The following HHLA1 variants were observed in gnomAD, a reference collection of about 807,000 sequenced individuals.
The protein encoded by HHLA1 is HERV-H LTR-associating protein 1.
In HHLA1, 72 loss-of-function variants were observed where a neutral mutation model predicts 69.9. The ratio of observed to expected loss-of-function variants is 1.03; its 90% CI spans 0.85 to 1.25. HHLA1 has a LOEUF of 1.25. Ranked by LOEUF, HHLA1 falls within the 50% of genes most tolerant of loss-of-function variation. The probability of loss-of-function intolerance (pLI) is 0.00; values close to 1 mark genes in which losing one functional copy is unlikely to be tolerated. For missense variants in HHLA1, 685 were observed against 642.2 expected (o/e 1.07, Z -0.72); for synonymous variants, 252 against 233.2 (o/e 1.08, Z -0.73).
chr8:132,098,816 G>A (rs200614370), intron 5 of HHLA1, 66 bp downstream of exon 5: 1 of 993,390 alleles, frequency 1.0e-6, no homozygotes, highest in East Asian at 2.6e-5. Flanking sequence ...CAACAGAAAG[G>A]TTCAGAAAAG....
At chr8:132,086,839 C>T (rs2130889277) in intron 10 of HHLA1, among the ~76,000 whole-genome samples, 1 of 151,954 alleles carries the variant, frequency 6.6e-6, no homozygotes, top group South Asian at 2.1e-4. Flanking sequence ...GCAAAGTAGC[C>T]CCTGAAGTGG....
rs576633284 is a variant in HHLA1 at position 132,094,520 on chromosome 8, C to A, written c.448+999G>T. On this transcript the variant is annotated intron_variant, in intron 7 of 16. Coordinates refer to ENST00000414222, the MANE Select transcript of HHLA1 (RefSeq NM_001145095.3). ...TCTGGTCCTCATGCTGCTGCTTAGG[C>A]CTTTGTCTGGACCACTGTCCCCAGG... Among the ~76,000 whole-genome samples the A allele has an allele frequency of 4.9e-4, 75 of 152,300 alleles. 1 individual carries two copies. The highest frequency in any genetic ancestry group is 1.7e-3 in the African/African-American group (71 of 41,562).
chr8:132,074,863 A>G (rs1823608368), intron 14 of HHLA1, among the ~76,000 whole-genome samples: 1 of 152,224 alleles, frequency 6.6e-6, no homozygotes, highest in Non-Finnish European at 1.5e-5. Flanking sequence ...GGGTAGGTTA[A>G]TAAATAGATA....
chr8:132,080,136 G>A, intron 10 of HHLA1, 170 bp from the exon 11 acceptor site: 8 of 927,300 alleles, frequency 8.6e-6, no homozygotes, highest in South Asian at 1.4e-5. Context: ...CCCTGTCAGA[G>A]CCTTTCTTCC....
At chr8:132,074,623 A>G (rs1823603603) in intron 14 of HHLA1, among the ~76,000 whole-genome samples, 1 of 152,172 alleles carries the variant, frequency 6.6e-6, no homozygotes, top group African/African-American at 2.4e-5. Context: ...GGATGAGCAG[A>G]ATAAGTTACT....
At chr8:132,098,522 C>T (rs1162308532) in intron 5 of HHLA1, among the ~76,000 whole-genome samples, 1 of 152,052 alleles carries the variant, frequency 6.6e-6, no homozygotes, top group Non-Finnish European at 1.5e-5. Flanking sequence ...AATGCAGTGG[C>T]ATTACCACAG....
In HHLA1 at chr8:132,087,664, G is replaced by A. The variant is rs769888699; in HGVS notation, c.665C>T (p.Ser222Phe). The A allele has an allele frequency of 1.5e-5, 23 of 1,550,938 alleles. No individual in the cohort carries two copies. Among genetic ancestry groups the A allele is most frequent in the Non-Finnish European group, 2.0e-5 (23 of 1,146,440 alleles). ...IINYTFTSGL[S>F]GVLGAATRGT... ...AGGTTGGTACTCACCCAGAACACCA[G>A]ACAAGCCGCTGGTAAATGTGTAATT... Residue 222 changes from serine (S) to phenylalanine (F), a missense_variant, in exon 10 of 17, where the codon TCT becomes TTT. By Grantham distance (155) the Ser-to-Phe change is radical (BLOSUM62 -2). Transcript: ENST00000414222.
intron 5 of HHLA1, 100 bp from the exon 6 acceptor site, chr8:132,095,886 G>A: frequency 1.6e-6 from 1 of 615,302 alleles, no homozygotes; most frequent in South Asian, 3.0e-5. Context: ...TGCCAATAAA[G>A]AAACCAATGA....
rs7833441 is a variant in HHLA1, at chr8:132,095,583, T to C, written c.384A>G (p.Val128=). The change falls in exon 7 of 17, where the codon GTA becomes GTG. Residue 128 remains valine, a synonymous_variant. Coordinates refer to ENST00000414222, the MANE Select transcript of HHLA1 (RefSeq NM_001145095.3). ...AVYNISNLKT[V]DPAKFPTRYC... Reference sequence around the variant, plus strand: ...ACCTTGTGGGGAATTTGGCGGGGTCTACTGTCTTCAGGTTAGAAACTGTGA... The same window carrying C: ...ACCTTGTGGGGAATTTGGCGGGGTCCACTGTCTTCAGGTTAGAAACTGTGA... 0.95 allele frequency: 1,466,274 copies of C among 1,549,226 alleles called. 695,198 individuals are homozygous for C. Among genetic ancestry groups the C allele is most frequent in the Middle Eastern group, 0.97 (5,805 of 5,996 alleles).
At chr8:132,064,286 A>G (rs991404787) in intron 16 of HHLA1, among the ~76,000 whole-genome samples, 1 of 152,230 alleles carries the variant, frequency 6.6e-6, no homozygotes, top group Non-Finnish European at 1.5e-5. Flanking sequence ...TCACTGCCCA[A>G]TGCTCTTTTC....
intron 15 of HHLA1, among the ~76,000 whole-genome samples, chr8:132,067,523 A>G (rs1376859874): frequency 6.6e-6 from 1 of 152,006 alleles, no homozygotes; most frequent in Non-Finnish European, 1.5e-5. Context: ...AGGTTGGCCA[A>G]CTCAACAGCT....
intron 15 of HHLA1, among the ~76,000 whole-genome samples, chr8:132,068,496 G>A (rs890270647): frequency 6.6e-6 from 1 of 152,200 alleles, no homozygotes; most frequent in Non-Finnish European, 1.5e-5. Context: ...GACTGGAAGA[G>A]GCATTTCCTT....
Position 132,105,213 on chromosome 8 carries a change from GC to G in HHLA1, c.52del (p.Ala18HisfsTer23), listed in dbSNP as rs754694665. 44 of 1,552,100 alleles carry G rather than the reference GC, an allele frequency of 2.8e-5. No individual in the cohort carries two copies. The highest frequency in any genetic ancestry group is 3.7e-5 in the Non-Finnish European group (43 of 1,147,002). The part of the protein sequence containing the change: ...GPSMKLCMGL[A>X]CVLSLWNTVS... ...TGTGTTCCAAAGGGACAAGACACAT[GC>G]CAGGCCCATGCACAGCTTCATTGAA... On this transcript the variant is annotated frameshift_variant, in exon 2 of 17. Coordinates refer to ENST00000414222, the MANE Select transcript of HHLA1 (RefSeq NM_001145095.3). LOFTEE classifies it high-confidence loss of function.
chr8:132,090,540 G>T (rs1311815064), intron 7 of HHLA1, among the ~76,000 whole-genome samples: 2 of 152,160 alleles, frequency 1.3e-5, no homozygotes, highest in Non-Finnish European at 2.9e-5. Context: ...GTAGGAAAAT[G>T]TTATGTGACA....
intron 3 of HHLA1, among the ~76,000 whole-genome samples, chr8:132,101,774 A>C (rs982996288): frequency 1.3e-5 from 2 of 152,098 alleles, no homozygotes; most frequent in South Asian, 2.1e-4. Flanking sequence ...GGGTTTCACC[A>C]TGTTGGTCAG....
intron 10 of HHLA1, among the ~76,000 whole-genome samples, chr8:132,086,662 C>T (rs1823869756): frequency 6.6e-6 from 1 of 152,056 alleles, no homozygotes; most frequent in African/African-American, 2.4e-5. Context: ...TGGAAAGACT[C>T]TCCAAATAAA....
At chr8:132,100,235 T>C in intron 3 of HHLA1, 101 bp from the exon 4 acceptor site, 1 of 811,864 alleles carries the variant, frequency 1.2e-6, no homozygotes, top group Non-Finnish European at 2.1e-6. Flanking sequence ...CTGCTCTCCG[T>C]GTGAGAGTCA....
intron 2 of HHLA1, among the ~76,000 whole-genome samples, chr8:132,104,448 G>A (rs1258924462): frequency 6.6e-6 from 1 of 152,198 alleles, no homozygotes; most frequent in Non-Finnish European, 1.5e-5. Flanking sequence ...TGAATACCTT[G>A]AAGGGAACGG....
chr8:132,095,052 T>C (rs1175058434), intron 7 of HHLA1, among the ~76,000 whole-genome samples: 1 of 152,232 alleles, frequency 6.6e-6, no homozygotes, highest in African/African-American at 2.4e-5. Flanking sequence ...AAACACATAC[T>C]CCAATCTTCT....
Sources: allele counts gnomAD v4.1 joint callset (sites outside exome capture counted in the v4.1 genomes callset), GRCh38; gene constraint gnomAD v4.1.1; transcripts MANE v1.5; gene names NCBI Gene and HGNC (gene_info 2026-07-23, HGNC 2026-07-21).